Variants in CSRNP3 observed in about 807,000 individuals in gnomAD.
CSRNP3 encodes the protein cysteine and serine rich nuclear protein 3.
A neutral mutation model predicts 48.0 loss-of-function variants in CSRNP3; 12 were observed. That is an observed-to-expected ratio of 0.25 (90% confidence interval 0.16 to 0.41). CSRNP3 has a LOEUF of 0.41. Among genes scored for constraint, CSRNP3 ranks in the 10% least tolerant of loss-of-function variants. The probability of loss-of-function intolerance (pLI) is 1.00; values close to 1 mark genes in which losing one functional copy is unlikely to be tolerated. For synonymous variants in CSRNP3, 263 were observed against 269.7 expected (o/e 0.98, Z 0.24); for missense variants, 580 against 724.4 (o/e 0.80, Z 2.29).
chr2:165,574,816 G>A (rs1390161491), intron 3 of CSRNP3, among the ~76,000 whole-genome samples: 1 of 152,080 alleles, frequency 6.6e-6, no homozygotes, highest in Non-Finnish European at 1.5e-5. Context: ...AGATTATTGT[G>A]ATGTATCTGG....
rs557181332 is a variant in CSRNP3, at chr2:165,688,942, G to A, written c.*9189G>A. On this transcript the variant is annotated 3_prime_UTR_variant, in exon 7 of 7. Coordinates refer to ENST00000651982, the MANE Select transcript of CSRNP3 (RefSeq NM_001172173.2). ...ACTTCAATAGATATTTATTAGTTAT[G>A]TTCAATCTAATGACTTAAAACAGTT... 118 of 152,044 alleles carry A rather than the reference G, an allele frequency of 7.8e-4. No individual in the cohort carries two copies. The highest frequency in any genetic ancestry group is 2.7e-3 in the African/African-American group (114 of 41,496). The allele number at this position is 152,044 out of a possible 1,614,324, so 9.4% of individuals were successfully genotyped here.
chr2:165,534,865 A>G (rs983279414), intron 3 of CSRNP3, among the ~76,000 whole-genome samples: 1 of 151,766 alleles, frequency 6.6e-6, no homozygotes, highest in Non-Finnish European at 1.5e-5. Flanking sequence ...ATGGGATTAT[A>G]GTGGGTTTCT....
chr2:165,561,256 A>T (rs1228067119), intron 3 of CSRNP3, among the ~76,000 whole-genome samples: 1 of 152,192 alleles, frequency 6.6e-6, no homozygotes, highest in Non-Finnish European at 1.5e-5. Flanking sequence ...AGTTACAAGT[A>T]AGTGGTCCTT....
intron 3 of CSRNP3, among the ~76,000 whole-genome samples, chr2:165,563,022 T>C (rs1349142902): frequency 4.6e-5 from 7 of 152,160 alleles, no homozygotes. Flanking sequence ...ACATTACTGC[T>C]GTGCTATAGA....
Position 165,511,719 on chromosome 2 carries a change from A to G in CSRNP3, c.-112-6154A>G, listed in dbSNP as rs761012337. Among the ~76,000 whole-genome samples the G allele has an allele frequency of 3.0e-4, 45 of 152,182 alleles. 1 individual carries two copies. Among genetic ancestry groups the G allele is most frequent in the Non-Finnish European group, 2.9e-5 (2 of 68,032 alleles). ...AGAGGCAAAGGTGTCTCTTTGAGCGATATCATAGAGCCAAGCCATGAATTA... is the reference window on the plus strand; with the variant it reads ...AGAGGCAAAGGTGTCTCTTTGAGCGGTATCATAGAGCCAAGCCATGAATTA... On this transcript the variant is annotated intron_variant, in intron 2 of 6. Transcript: ENST00000651982.
intron 5 of CSRNP3, among the ~76,000 whole-genome samples, chr2:165,674,565 A>G (rs1388840312): frequency 6.7e-6 from 1 of 149,858 alleles, no homozygotes; most frequent in East Asian, 1.9e-4. Context: ...CCCAATAAAG[A>G]GGAATGTGTA....
At chr2:165,567,600 C>G (rs1285264014) in intron 3 of CSRNP3, among the ~76,000 whole-genome samples, 1 of 152,028 alleles carries the variant, frequency 6.6e-6, no homozygotes, top group Non-Finnish European at 1.5e-5. Context: ...GGGTAAAACT[C>G]CAGTAGGCTT....
At chr2:165,587,610 T>G (rs1405613078) in intron 3 of CSRNP3, among the ~76,000 whole-genome samples, 1 of 152,254 alleles carries the variant, frequency 6.6e-6, no homozygotes, top group African/African-American at 2.4e-5. Context: ...GAGAAGGAAT[T>G]TTTATAGCCA....
intron 4 of CSRNP3, among the ~76,000 whole-genome samples, chr2:165,595,838 C>T (rs1356146142): frequency 1.3e-5 from 2 of 152,060 alleles, no homozygotes; most frequent in Admixed American, 6.6e-5. Context: ...GCTCTGTCGC[C>T]CAGGCTGGAG....
intron 3 of CSRNP3, among the ~76,000 whole-genome samples, chr2:165,568,352 C>G (rs1685324107): frequency 6.6e-6 from 1 of 152,108 alleles, no homozygotes; most frequent in African/African-American, 2.4e-5. Context: ...GAGAGAGCAC[C>G]AGACATCCTC....
At chr2:165,633,396 A>T (rs1042924765) in intron 4 of CSRNP3, among the ~76,000 whole-genome samples, 3 of 152,132 alleles carry the variant, frequency 2.0e-5, no homozygotes, top group Non-Finnish European at 2.9e-5. Flanking sequence ...TAATATTTTG[A>T]TTTTGTTATT....
At chr2:165,673,706 C>T (rs1183905343) in intron 5 of CSRNP3, among the ~76,000 whole-genome samples, 1 of 152,010 alleles carries the variant, frequency 6.6e-6, no homozygotes, top group Non-Finnish European at 1.5e-5. Flanking sequence ...TGATAACAAC[C>T]ATTTTTTAAA....
At chr2:165,609,097 A>G (rs1428317885) in intron 4 of CSRNP3, among the ~76,000 whole-genome samples, 3 of 147,286 alleles carry the variant, frequency 2.0e-5, no homozygotes, top group East Asian at 2.0e-4. Context: ...ACAGAGCAAG[A>G]CTCCGTCTCA....
At chr2:165,553,505 A>G (rs1247760192) in intron 3 of CSRNP3, among the ~76,000 whole-genome samples, 1 of 152,172 alleles carries the variant, frequency 6.6e-6, no homozygotes, top group African/African-American at 2.4e-5. Context: ...ATTTCAGCTG[A>G]ATATAGGTGG....
At chr2:165,635,639 A>C (rs561473177) in intron 4 of CSRNP3, among the ~76,000 whole-genome samples, 6 of 152,140 alleles carry the variant, frequency 3.9e-5, no homozygotes, top group African/African-American at 7.2e-5. Context: ...TTTTCATATG[A>C]TATAATATTG....
intron 3 of CSRNP3, among the ~76,000 whole-genome samples, chr2:165,551,242 T>C (rs1406894900): frequency 6.6e-6 from 1 of 152,166 alleles, no homozygotes; most frequent in Non-Finnish European, 1.5e-5. Context: ...TGTCACGTGT[T>C]CTCCCAACCC....
chr2:165,578,423 A>G (rs10210064), intron 3 of CSRNP3, among the ~76,000 whole-genome samples: 42,830 of 151,936 alleles, frequency 0.28, 6,828 homozygotes, highest in Admixed American at 0.41. Flanking sequence ...TTGAAATCTC[A>G]CTAATATAAT....
In CSRNP3 at chr2:165,653,972, C is replaced by CAAAAAAAAAAAA. The variant is rs71028497; in HGVS notation, c.149-3764_149-3753dup. 6.1e-4 allele frequency among the ~76,000 whole-genome samples: 25 copies of CAAAAAAAAAAAA among 41,226 alleles called. 4 individuals carry two copies. The highest frequency in any genetic ancestry group is 2.9e-3 in the East Asian group (2 of 698). 27.0% of individuals were successfully genotyped at this position (41,226 alleles called of 152,430 possible). On this transcript the variant is annotated intron_variant, in intron 4 of 6. Transcript: ENST00000651982. ...GGGCAACAAGAGCGAAGCTCTATCA[C>CAAAAAAAAAAAA]AAAAAAAAAAAAAAAAAAAAAAAAA...
Position 165,679,312 on chromosome 2 carries a change from A to G in CSRNP3, c.1317A>G (p.Ile439Met), listed in dbSNP as rs1687487130. 1 of 1,613,812 alleles carries G rather than the reference A, an allele frequency of 6.2e-7. No individual in the cohort carries two copies. Among genetic ancestry groups the G allele is most frequent in the South Asian group, 1.1e-5 (1 of 91,078 alleles). The change falls in exon 7 of 7, where the codon ATA (isoleucine) becomes ATG (methionine). Residue 439 changes from isoleucine (I) to methionine (M), a missense_variant. By Grantham distance (10) the Ile-to-Met change is conservative. Transcript: ENST00000651982. ...ACTCTTCAACTCTGTATTACCAAAT[A>G]GATAGCCACATTCCAGGAACTCCAA... ...YANSSTLYYQIDSHIPGTPNQ... is the reference protein window; with the variant it reads ...YANSSTLYYQMDSHIPGTPNQ...
Sources: allele counts gnomAD v4.1 joint callset (sites outside exome capture counted in the v4.1 genomes callset), GRCh38; gene constraint gnomAD v4.1.1; transcripts MANE v1.5; gene names NCBI Gene and HGNC (gene_info 2026-07-23, HGNC 2026-07-21).